SOBP: variants seen among roughly 807,000 people sequenced by gnomAD.
SOBP encodes sine oculis binding protein homolog.
In SOBP, 4 loss-of-function variants were observed where a neutral mutation model predicts 53.6. That is an observed-to-expected ratio of 0.07 (90% confidence interval 0.04 to 0.17). The LOEUF (loss-of-function observed/expected upper bound fraction) is 0.17, where lower values mean the gene tolerates loss of function less well. Ranked by LOEUF, SOBP falls within the 10% of genes least tolerant of loss-of-function variation. The pLI, the probability that SOBP is intolerant of heterozygous loss-of-function variation, is 1.00. For synonymous variants in SOBP, 584 were observed against 522.6 expected, an observed-to-expected ratio of 1.12 and a Z score of -1.60; for missense variants, 1,088 against 1,204.7, an observed-to-expected ratio of 0.90 and a Z score of 1.43.
At chr6:107,516,776 G>A (rs1459550704) in intron 3 of SOBP, among the ~76,000 whole-genome samples, 1 of 151,992 alleles carries the variant, frequency 6.6e-6, no homozygotes, top group Non-Finnish European at 1.5e-5. Flanking sequence ...AGTAGTATCA[G>A]ACCCATCAAA....
intron 4 of SOBP, among the ~76,000 whole-genome samples, chr6:107,566,685 CA>C (rs1181926366): frequency 6.6e-6 from 1 of 152,202 alleles, no homozygotes. Context: ...TCAACATGTA[CA>C]AATCCATCAT....
chr6:107,494,986 G>A (rs1782664340), intron 1 of SOBP, among the ~76,000 whole-genome samples: 1 of 152,166 alleles, frequency 6.6e-6, no homozygotes, highest in African/African-American at 2.4e-5. Context: ...AGCATGGACT[G>A]GAAAAGTCAG....
At chr6:107,588,472 TC>T (rs1785636508) in intron 5 of SOBP, among the ~76,000 whole-genome samples, 1 of 152,228 alleles carries the variant, frequency 6.6e-6, no homozygotes, top group Non-Finnish European at 1.5e-5. Flanking sequence ...CTCTTAAACT[TC>T]CAGGACTGCT....
chr6:107,524,663 A>G (rs897307687), intron 3 of SOBP, among the ~76,000 whole-genome samples: 1 of 152,240 alleles, frequency 6.6e-6, no homozygotes, highest in African/African-American at 2.4e-5. Flanking sequence ...GTGTTGGTCA[A>G]TGTGCCCAGC....
chr6:107,506,195 G>A, intron 2 of SOBP, 47 bp from the exon 3 acceptor site: 4 of 1,538,918 alleles, frequency 2.6e-6, no homozygotes, highest in Non-Finnish European at 3.6e-6. Context: ...TAAGTCTACT[G>A]CATTACATTC....
intron 2 of SOBP, among the ~76,000 whole-genome samples, chr6:107,505,662 G>A (rs2114948283): frequency 6.7e-6 from 1 of 149,518 alleles, no homozygotes; most frequent in South Asian, 2.1e-4. Flanking sequence ...TGTTGTTTTT[G>A]TTTTTTGAGA....
chr6:107,614,481 G>A (rs1231160385), intron 5 of SOBP, among the ~76,000 whole-genome samples: 1 of 152,240 alleles, frequency 6.6e-6, no homozygotes, highest in Non-Finnish European at 1.5e-5. Flanking sequence ...CTGCCGTCTG[G>A]AGGAGGATGT....
intron 4 of SOBP, among the ~76,000 whole-genome samples, chr6:107,564,992 G>C (rs573022753): frequency 1.3e-5 from 2 of 152,364 alleles, no homozygotes; most frequent in Admixed American, 1.3e-4. Flanking sequence ...TCAAAATAAA[G>C]AGGGCAAGAG....
intron 5 of SOBP, among the ~76,000 whole-genome samples, chr6:107,589,032 A>G (rs1163911159): frequency 5.9e-5 from 9 of 152,246 alleles, no homozygotes; most frequent in Non-Finnish European, 1.2e-4. Context: ...TTATGCTTCT[A>G]TATGAAAGAG....
intron 3 of SOBP, among the ~76,000 whole-genome samples, chr6:107,527,545 A>G (rs1163041636): frequency 6.6e-6 from 1 of 152,072 alleles, no homozygotes; most frequent in Non-Finnish European, 1.5e-5. Flanking sequence ...TCTAATTGCC[A>G]CTCGTTCTAA....
rs117288393 is a variant in SOBP at position 107,633,248 on chromosome 6, T to G, written c.670-266T>G. Among the ~76,000 whole-genome samples, 1,162 of 152,328 alleles carry G rather than the reference T, an allele frequency of 7.6e-3. 6 individuals carry two copies. The highest frequency in any genetic ancestry group is 0.012 in the Non-Finnish European group (824 of 68,028). Reference sequence around the variant, plus strand: ...TATATTCCCTTTTCTCAGAACCATCTTTAAGTCATGCTTAAAGGGGACAAC... The same window carrying G: ...TATATTCCCTTTTCTCAGAACCATCGTTAAGTCATGCTTAAAGGGGACAAC... On this transcript the variant is annotated intron_variant, in intron 5 of 6. Coordinates refer to ENST00000317357, the MANE Select transcript of SOBP (RefSeq NM_018013.4).
At chr6:107,623,493 A>C (rs1770312412) in intron 5 of SOBP, among the ~76,000 whole-genome samples, 1 of 152,168 alleles carries the variant, frequency 6.6e-6, no homozygotes, top group Non-Finnish European at 1.5e-5. Flanking sequence ...GGAATACCAT[A>C]AAGAAGGGTA....
At chr6:107,530,082 G>A (rs954279400) in intron 3 of SOBP, among the ~76,000 whole-genome samples, 1 of 152,082 alleles carries the variant, frequency 6.6e-6, no homozygotes. Context: ...TGGCTGTAAG[G>A]TAATGTCATG....
Position 107,517,526 on chromosome 6 carries a change from G to C in SOBP, c.421+11099G>C, listed in dbSNP as rs574615092. Among the ~76,000 whole-genome samples, 21 of 152,226 alleles carry C rather than the reference G, an allele frequency of 1.4e-4. 2 individuals are homozygous for C. Among genetic ancestry groups the C allele is most frequent in the African/African-American group, 4.8e-4 (20 of 41,540 alleles). On this transcript the variant is annotated intron_variant, in intron 3 of 6. Coordinates refer to ENST00000317357, the MANE Select transcript of SOBP (RefSeq NM_018013.4). ...ATTTAACACTAATTATCTTCCAAAG[G>C]CCTCATCTCCAATTGCCATAATATT...
chr6:107,628,299 A>C (rs140303811), intron 5 of SOBP, among the ~76,000 whole-genome samples: 1 of 152,228 alleles, frequency 6.6e-6, no homozygotes, highest in Non-Finnish European at 1.5e-5. Flanking sequence ...GCTGGGATGC[A>C]CATAGAATTG....
intron 4 of SOBP, among the ~76,000 whole-genome samples, chr6:107,564,543 G>A (rs1258512165): frequency 8.1e-6 from 1 of 123,276 alleles, no homozygotes; most frequent in African/African-American, 3.1e-5. Context: ...GTTTGGCTGG[G>A]GAGGCTTACT....
At position 107,577,159 on chromosome 6, in the gene SOBP, G is replaced by A. The variant is rs148596751; in HGVS notation, c.574-9921G>A. On this transcript the variant is annotated intron_variant, in intron 4 of 6. Coordinates refer to ENST00000317357, the MANE Select transcript of SOBP (RefSeq NM_018013.4). ...CCCCTTTGCCAAGACCTGTACATGT[G>A]TGACATGGCAGGTCATGACGAAGGG... is the stretch of plus-strand genomic sequence containing the variant. Among the ~76,000 whole-genome samples the A allele has an allele frequency of 4.6e-5, 7 of 152,328 alleles. No individual in the cohort carries two copies. In the East Asian group the frequency reaches 1.2e-3, roughly 25 times the overall value.
At chr6:107,558,263 T>G (rs1784671807) in intron 4 of SOBP, 1 of 151,964 alleles carries the variant, frequency 6.6e-6, no homozygotes, top group African/African-American at 2.4e-5. Context: ...TTCATAAAGA[T>G]CTAGTTCTTT....
At position 107,635,298 on chromosome 6, in the gene SOBP, G is replaced by A. The variant is rs1178703556; in HGVS notation, c.2454G>A (p.Leu818=). 4.3e-6 allele frequency: 7 copies of A among 1,613,738 alleles called. No individual in the cohort carries two copies. In the South Asian group the frequency reaches 4.4e-5, roughly 10 times the overall value. The change falls in exon 6 of 7, where the codon CTG becomes CTA. Residue 818 remains leucine, a synonymous_variant. Coordinates refer to ENST00000317357, the MANE Select transcript of SOBP (RefSeq NM_018013.4). The surrounding 1 kb of genome is among the most constrained non-coding windows in gnomAD (Gnocchi z 4.5). The part of the protein sequence containing the change: ...NPADEDHAYA[L]RMLPKTGCVI... ...CGGACGAGGACCATGCCTATGCTCT[G>A]CGGATGCTGCCCAAGACCGGCTGCG...
Sources: allele counts gnomAD v4.1 joint callset (sites outside exome capture counted in the v4.1 genomes callset), GRCh38; gene constraint gnomAD v4.1.1; non-coding constraint Gnocchi (gnomAD v3.1); transcripts MANE v1.5; gene names NCBI Gene and HGNC (gene_info 2026-07-23, HGNC 2026-07-21).